Variants in CPQ observed in about 807,000 individuals in gnomAD.
CPQ encodes the protein Ser-Met dipeptidase.
In CPQ, 37 loss-of-function variants were observed where a neutral mutation model predicts 45.7. The ratio of observed to expected loss-of-function variants is 0.81; its 90% CI spans 0.62 to 1.07. The LOEUF is 1.07. Among genes scored for constraint, CPQ ranks in the 50% least tolerant of loss-of-function variants. The probability of loss-of-function intolerance (pLI) is 0.00; values close to 1 mark genes in which losing one functional copy is unlikely to be tolerated. For synonymous variants in CPQ, 186 were observed against 205.8 expected (o/e 0.90, Z 0.82); for missense variants, 537 against 572.9 (o/e 0.94, Z 0.64).
chr8:97,047,116 T>C (rs1003262086), intron 6 of CPQ, among the ~76,000 whole-genome samples: 1 of 152,240 alleles, frequency 6.6e-6, no homozygotes, highest in Non-Finnish European at 1.5e-5. Flanking sequence ...TATGTGATCA[T>C]TTATAAATTA....
chr8:96,995,372 C>CT (rs1228302831), intron 5 of CPQ, among the ~76,000 whole-genome samples: 2 of 151,828 alleles, frequency 1.3e-5, no homozygotes, highest in African/African-American at 4.8e-5. Flanking sequence ...TAAGAAAATC[C>CT]TAGGTTTCTG....
At chr8:96,661,346 T>G (rs994867515) in intron 1 of CPQ, among the ~76,000 whole-genome samples, 6 of 152,082 alleles carry the variant, frequency 3.9e-5, no homozygotes, top group African/African-American at 1.2e-4. Context: ...CATATCATCA[T>G]CGCCCAAAGC....
At chr8:96,654,283 C>A (rs551536031) in intron 1 of CPQ, among the ~76,000 whole-genome samples, 12 of 152,312 alleles carry the variant, frequency 7.9e-5, no homozygotes, top group African/African-American at 2.9e-4. Flanking sequence ...TTTACAATCG[C>A]TTTCATTATT....
rs1749566318 is a variant in CPQ, at chr8:96,971,741, A to G, written c.961+5695A>G. The stretch of plus-strand genomic sequence containing the variant: ...TTTTATTTTTATTAATTTAAATGTT[A>G]ATGCGTAGATGCTGCTTGCTTCTTT... On this transcript the variant is annotated intron_variant, in intron 5 of 7. Transcript: ENST00000220763. Among the ~76,000 whole-genome samples, 3 of 152,232 alleles carry G rather than the reference A, an allele frequency of 2.0e-5. 1 individual carries two copies. In the South Asian group the frequency reaches 6.2e-4, roughly 31 times the overall value.
chr8:97,022,128 T>C (rs957860370), intron 5 of CPQ, among the ~76,000 whole-genome samples: 2 of 152,050 alleles, frequency 1.3e-5, no homozygotes, highest in African/African-American at 4.8e-5. Flanking sequence ...AAACGTAAAG[T>C]TGGGAAAGGA....
chr8:97,041,902 G>T (rs572650406), intron 6 of CPQ, among the ~76,000 whole-genome samples: 1 of 152,310 alleles, frequency 6.6e-6, no homozygotes, highest in African/African-American at 2.4e-5. Flanking sequence ...TTTTATTGAG[G>T]ATTTTTGCAT....
At chr8:96,894,928 TTA>T (rs1038659708) in intron 4 of CPQ, among the ~76,000 whole-genome samples, 8 of 152,206 alleles carry the variant, frequency 5.3e-5, no homozygotes, top group African/African-American at 1.9e-4. Flanking sequence ...TTATAACCAA[TTA>T]TATGTTTTAC....
In CPQ at chr8:97,046,079, T is replaced by G. The variant is rs539070083; in HGVS notation, c.1053+16585T>G. 7.2e-5 allele frequency among the ~76,000 whole-genome samples: 11 copies of G among 152,382 alleles called. No homozygotes were observed. In the East Asian group the frequency reaches 1.9e-3, roughly 27 times the overall value. On this transcript the variant is annotated intron_variant, in intron 6 of 7. Coordinates refer to ENST00000220763, the MANE Select transcript of CPQ (RefSeq NM_016134.4). Reference sequence around the variant, plus strand: ...GCTACTCATCTTACTTGATCATTCCTGAGTATATTAACCAAATCCTGTGGT... The same window carrying G: ...GCTACTCATCTTACTTGATCATTCCGGAGTATATTAACCAAATCCTGTGGT...
intron 1 of CPQ, among the ~76,000 whole-genome samples, chr8:96,646,158 T>C (rs542206228): frequency 3.3e-5 from 5 of 152,052 alleles, no homozygotes; most frequent in Admixed American, 1.3e-4. Context: ...TGTCGCACTT[T>C]TGCAAATGGA....
chr8:97,129,470 A>G (rs1811903112), intron 7 of CPQ, among the ~76,000 whole-genome samples: 2 of 152,176 alleles, frequency 1.3e-5, no homozygotes, highest in African/African-American at 4.8e-5. Flanking sequence ...AATGCCTGTA[A>G]GTGTTTAGTA....
intron 4 of CPQ, among the ~76,000 whole-genome samples, chr8:96,955,330 G>A (rs1813339715): frequency 6.6e-6 from 1 of 152,076 alleles, no homozygotes; most frequent in Non-Finnish European, 1.5e-5. Context: ...GTTTTGATTT[G>A]CATTTCTCTG....
intron 1 of CPQ, among the ~76,000 whole-genome samples, chr8:96,711,408 G>T (rs1446621571): frequency 6.6e-6 from 1 of 152,038 alleles, no homozygotes; most frequent in Non-Finnish European, 1.5e-5. Context: ...CTGTGCGGTT[G>T]TTTTATAGGT....
At chr8:97,136,495 G>C (rs553030330) in intron 7 of CPQ, among the ~76,000 whole-genome samples, 3 of 152,124 alleles carry the variant, frequency 2.0e-5, no homozygotes, top group African/African-American at 7.2e-5. Flanking sequence ...TGCTGATTGA[G>C]GAAACTAAAG....
At chr8:96,931,493 C>T (rs1023187033) in intron 4 of CPQ, among the ~76,000 whole-genome samples, 1 of 152,142 alleles carries the variant, frequency 6.6e-6, no homozygotes, top group Non-Finnish European at 1.5e-5. Context: ...ACTTGGAATG[C>T]TCACGCTCCT....
intron 1 of CPQ, among the ~76,000 whole-genome samples, chr8:96,782,454 C>T (rs942476861): frequency 1.3e-5 from 2 of 152,110 alleles, no homozygotes; most frequent in African/African-American, 2.4e-5. Flanking sequence ...ATTCTGAGGT[C>T]CCCTGGGTGC....
At chr8:96,801,610 C>A (rs539521259) in intron 2 of CPQ, among the ~76,000 whole-genome samples, 1 of 151,994 alleles carries the variant, frequency 6.6e-6, no homozygotes, top group African/African-American at 2.4e-5. Flanking sequence ...TTATATAGTC[C>A]CTAGCATGGT....
At chr8:96,777,752 ATATATATATTTTTTTTTTTT>A (rs1810631122) in intron 1 of CPQ, among the ~76,000 whole-genome samples, 7 of 11,796 alleles carry the variant, frequency 5.9e-4, no homozygotes, top group Admixed American at 1.6e-3. Flanking sequence ...ATATATATAT[ATATATATATTTTTTTTTTTT>A]TTTTTTTTTT....
chr8:96,717,888 A>C (rs1809705408), intron 1 of CPQ, among the ~76,000 whole-genome samples: 1 of 152,218 alleles, frequency 6.6e-6, no homozygotes, highest in African/African-American at 2.4e-5. Context: ...AAGAGTCTTC[A>C]TGGGGAGTGG....
In CPQ at chr8:96,782,729, C is replaced by A. The variant is rs151113074; in HGVS notation, c.-34-2135C>A. Among the ~76,000 whole-genome samples, 317 of 152,056 alleles carry A rather than the reference C, an allele frequency of 2.1e-3. 1 individual carries two copies. Among genetic ancestry groups the A allele is most frequent in the Non-Finnish European group, 3.6e-3 (246 of 67,958 alleles). The stretch of plus-strand genomic sequence containing the variant: ...TATGAATACTGTCTTTAAATTATTT[C>A]TTTCCCCTCACATTCTATTATATAC... On this transcript the variant is annotated intron_variant, in intron 1 of 7. Coordinates refer to ENST00000220763, the MANE Select transcript of CPQ (RefSeq NM_016134.4).
Sources: allele counts gnomAD v4.1 joint callset (sites outside exome capture counted in the v4.1 genomes callset), GRCh38; gene constraint gnomAD v4.1.1; transcripts MANE v1.5; gene names NCBI Gene and HGNC (gene_info 2026-07-23, HGNC 2026-07-21).